The following ERC2 variants were observed in gnomAD, a reference collection of about 807,000 sequenced individuals.
ERC2 encodes the protein ERC protein 2.
In ERC2, 42 loss-of-function variants were observed where a neutral mutation model predicts 114.8. That is an observed-to-expected ratio of 0.37 (90% CI 0.29 to 0.47). The LOEUF is 0.47. Among genes scored for constraint, ERC2 ranks in the 20% least tolerant of loss-of-function variants. The pLI is 0.99. For synonymous variants in ERC2, 454 were observed against 425.5 expected (o/e 1.07, Z -0.82); for missense variants, 939 against 1,150.7 (o/e 0.82, Z 2.66).
Position 55,620,603 on chromosome 3 carries a change from A to C in ERC2, c.*39+63191T>G, listed in dbSNP as rs140487371. On this transcript the variant is annotated intron_variant, in intron 17 of 17. Transcript: ENST00000288221. ...TAAAACATCTCTTCTTCGCAGGTAT[A>C]TGGTCTTGGATTTGTCACAGTGTAC... is the stretch of plus-strand genomic sequence containing the variant. Among the ~76,000 whole-genome samples the C allele has an allele frequency of 2.7e-3, 411 of 152,206 alleles. 5 individuals are homozygous for C. The highest frequency in any genetic ancestry group is 8.9e-3 in the South Asian group (43 of 4,818).
At chr3:55,678,920 C>T (rs2061932725) in intron 17 of ERC2, among the ~76,000 whole-genome samples, 1 of 152,198 alleles carries the variant, frequency 6.6e-6, no homozygotes, top group Non-Finnish European at 1.5e-5. Flanking sequence ...AATTTATCCA[C>T]TTGTCTGCAT....
chr3:56,214,967 T>A (rs2049351661), intron 3 of ERC2, among the ~76,000 whole-genome samples: 1 of 152,184 alleles, frequency 6.6e-6, no homozygotes, highest in Admixed American at 6.6e-5. Flanking sequence ...TCACCATGCC[T>A]GCCCTAAAAG....
At chr3:55,840,133 G>C (rs1405444063) in intron 14 of ERC2, among the ~76,000 whole-genome samples, 1 of 151,662 alleles carries the variant, frequency 6.6e-6, no homozygotes, top group African/African-American at 2.4e-5. Flanking sequence ...TTAACCAAGA[G>C]GACATAACAA....
rs574313379 is a variant in ERC2 at position 56,442,847 on chromosome 3, T to A, written c.-140-7700A>T. ...AACTCCCACTGTTGAATGAGGGGGA[T>A]AAGGCAGTGATTGAGACAGACGCAG... On this transcript the variant is annotated intron_variant, in intron 1 of 17. Coordinates refer to ENST00000288221, the MANE Select transcript of ERC2 (RefSeq NM_015576.3). 2.8e-4 allele frequency among the ~76,000 whole-genome samples: 43 copies of A among 152,342 alleles called. 1 individual carries two copies. The highest frequency in any genetic ancestry group is 9.9e-4 in the African/African-American group (41 of 41,582).
intron 14 of ERC2, among the ~76,000 whole-genome samples, chr3:55,816,131 T>C (rs2059897686): frequency 6.6e-6 from 1 of 152,202 alleles, no homozygotes; most frequent in African/African-American, 2.4e-5. Context: ...CCTCAGAAAG[T>C]ATTAATATGA....
intron 17 of ERC2, among the ~76,000 whole-genome samples, chr3:55,525,140 T>C (rs2053226462): frequency 6.6e-6 from 1 of 152,200 alleles, no homozygotes; most frequent in Admixed American, 6.5e-5. Flanking sequence ...TTGAATGCAA[T>C]GGTAGGGTGT....
intron 17 of ERC2, among the ~76,000 whole-genome samples, chr3:55,515,350 TC>T: frequency 6.6e-6 from 1 of 152,190 alleles, no homozygotes; most frequent in South Asian, 2.1e-4. Flanking sequence ...TTTAAACTTT[TC>T]CCCTGTATTT....
intron 17 of ERC2, among the ~76,000 whole-genome samples, chr3:55,631,374 T>C (rs1314535270): frequency 6.6e-6 from 1 of 152,094 alleles, no homozygotes; most frequent in Non-Finnish European, 1.5e-5. Flanking sequence ...CACAAGTTGG[T>C]TTCCAAACAT....
At chr3:56,116,241 C>T (rs1207195345) in intron 6 of ERC2, among the ~76,000 whole-genome samples, 1 of 152,182 alleles carries the variant, frequency 6.6e-6, no homozygotes, top group Admixed American at 6.5e-5. Flanking sequence ...CCATATTTTA[C>T]TCTACTTTAC....
intron 2 of ERC2, among the ~76,000 whole-genome samples, chr3:56,423,798 C>T (rs928773638): frequency 6.6e-6 from 1 of 152,226 alleles, no homozygotes; most frequent in Non-Finnish European, 1.5e-5. Flanking sequence ...TTTTGAAATG[C>T]TTTCCACAGC....
intron 13 of ERC2, among the ~76,000 whole-genome samples, chr3:55,889,740 A>G (rs950826503): frequency 2.0e-5 from 3 of 152,186 alleles, no homozygotes; most frequent in Non-Finnish European, 4.4e-5. Flanking sequence ...TGGCTTTCTA[A>G]AATACCCCTT....
At chr3:55,923,523 C>T (rs2065561508) in intron 13 of ERC2, among the ~76,000 whole-genome samples, 1 of 151,378 alleles carries the variant, frequency 6.6e-6, no homozygotes, top group Non-Finnish European at 1.5e-5. Flanking sequence ...TATTTTGCCA[C>T]AATAAAAAAA....
At chr3:55,767,985 T>G (rs9829345) in intron 14 of ERC2, among the ~76,000 whole-genome samples, 10 of 152,124 alleles carry the variant, frequency 6.6e-5, no homozygotes, top group African/African-American at 2.4e-4. Flanking sequence ...CCTTTGCTGT[T>G]CTCATAATAG....
At chr3:55,709,384 A>C (rs1327788708) in intron 15 of ERC2, among the ~76,000 whole-genome samples, 1 of 152,232 alleles carries the variant, frequency 6.6e-6, no homozygotes, top group African/African-American at 2.4e-5. Flanking sequence ...TATAACAAGC[A>C]CATCAAAGAG....
chr3:56,079,291 G>C (rs2077118562), intron 7 of ERC2, among the ~76,000 whole-genome samples: 1 of 152,090 alleles, frequency 6.6e-6, no homozygotes, highest in African/African-American at 2.4e-5. Context: ...CAGATCTGAT[G>C]TGCACTTCAC....
intron 14 of ERC2, among the ~76,000 whole-genome samples, chr3:55,753,383 T>C (rs1328402287): frequency 2.0e-5 from 3 of 152,144 alleles, no homozygotes; most frequent in Non-Finnish European, 4.4e-5. Flanking sequence ...TGATATTACC[T>C]ACCCCCGAGG....
chr3:55,967,195 T>C (rs2068807056), intron 12 of ERC2, among the ~76,000 whole-genome samples: 1 of 152,224 alleles, frequency 6.6e-6, no homozygotes, highest in Non-Finnish European at 1.5e-5. Context: ...TATGGATAAC[T>C]CTTTATTAAA....
intron 6 of ERC2, among the ~76,000 whole-genome samples, chr3:56,091,494 A>G (rs2077787354): frequency 6.6e-6 from 1 of 152,134 alleles, no homozygotes; most frequent in South Asian, 2.1e-4. Flanking sequence ...TATGATTTGG[A>G]AGCTCCCAAC....
intron 3 of ERC2, among the ~76,000 whole-genome samples, chr3:56,286,730 T>C (rs1399390067): frequency 6.6e-6 from 1 of 151,858 alleles, no homozygotes; most frequent in African/African-American, 2.4e-5. Context: ...AATGTAATCA[T>C]TTAAAAAGGT....
Sources: allele counts gnomAD v4.1 joint callset (sites outside exome capture counted in the v4.1 genomes callset), GRCh38; gene constraint gnomAD v4.1.1; transcripts MANE v1.5; gene names NCBI Gene and HGNC (gene_info 2026-07-23, HGNC 2026-07-21).